KPNA4: variants seen among roughly 807,000 people sequenced by gnomAD.
The protein encoded by KPNA4 is karyopherin subunit alpha 4.
A neutral mutation model predicts 71.3 loss-of-function variants in KPNA4; 13 were observed. The ratio of observed to expected loss-of-function variants is 0.18; its 90% CI spans 0.12 to 0.29. The LOEUF is 0.29. Ranked by LOEUF, KPNA4 falls within the 10% of genes least tolerant of loss-of-function variation. The probability of loss-of-function intolerance (pLI) is 1.00; values close to 1 mark genes in which losing one functional copy is unlikely to be tolerated. For synonymous variants in KPNA4, 189 were observed against 195.2 expected, an observed-to-expected ratio of 0.97 and a Z score of 0.26; for missense variants, 334 against 603.2, an observed-to-expected ratio of 0.55 and a Z score of 4.67.
chr3:160,542,896 G>A (rs1721829954), intron 1 of KPNA4, among the ~76,000 whole-genome samples: 1 of 152,110 alleles, frequency 6.6e-6, no homozygotes, highest in African/African-American at 2.4e-5. Flanking sequence ...TGTAAGCATT[G>A]AAAATTTATT....
rs1720735528 is a variant in KPNA4 at position 160,495,362 on chromosome 3, T to C, written c.*6742A>G. 6.6e-6 allele frequency: 1 copy of C among 152,166 alleles called. No homozygotes were observed. Among genetic ancestry groups the C allele is most frequent in the Non-Finnish European group, 1.5e-5 (1 of 68,028 alleles). The allele number at this position is 152,166 out of a possible 1,614,324, so 9.4% of individuals were successfully genotyped here. A position where few individuals can be genotyped will look rare whatever the true frequency, so the allele number is the denominator to read the frequency against. ...CAAACATTTCCTATCTGCTGTGTAT[T>C]TTCTTGCTCCCTGCAGCTGAGAATT... On this transcript the variant is annotated 3_prime_UTR_variant, in exon 17 of 17. Coordinates refer to ENST00000334256, the MANE Select transcript of KPNA4 (RefSeq NM_002268.5).
At position 160,514,088 on chromosome 3, in the gene KPNA4, G is replaced by A. The variant is rs761057681; in HGVS notation, c.1126C>T (p.Leu376Phe). 1.3e-6 allele frequency: 2 copies of A among 1,557,650 alleles called. No individual in the cohort carries two copies. Among genetic ancestry groups the A allele is most frequent in the African/African-American group, 1.4e-5 (1 of 71,400 alleles). The change falls in exon 13 of 17, where the codon CTT (leucine) becomes TTT (phenylalanine). Residue 376 changes from leucine (L) to phenylalanine (F), a missense_variant. By Grantham distance (22) the Leu-to-Phe change is conservative (BLOSUM62 0). Transcript: ENST00000334256. Reference protein sequence around the residue: ...DANLVPMIIHLLDKGDFGTQK... With the variant: ...DANLVPMIIHFLDKGDFGTQK... ...CATGATTTTCTTACCTTATCCAAAA[G>A]GTGTATTATCATTGGTACAAGATTG... is the stretch of plus-strand genomic sequence containing the variant.
chr3:160,505,073 T>C, intron 15 of KPNA4, 21 bp from the exon 16 acceptor site: 2 of 1,320,730 alleles, frequency 1.5e-6, no homozygotes, highest in South Asian at 1.5e-5. Context: ...TTTTGCAATG[T>C]GAAACAATAG....
chr3:160,565,249 G>A lies in KPNA4; in HGVS notation c.34C>T (p.Leu12Phe). The A allele has an allele frequency of 6.2e-7, 1 of 1,609,972 alleles. No homozygotes were observed. Among genetic ancestry groups the A allele is most frequent in the South Asian group, 1.1e-5 (1 of 90,244 alleles). The change falls in exon 1 of 17, where the codon CTC (leucine) becomes TTC (phenylalanine). Residue 12 changes from leucine to phenylalanine, a missense_variant. Coordinates refer to ENST00000334256, the MANE Select transcript of KPNA4 (RefSeq NM_002268.5). ...ADNEKLDNQR[L>F]KNFKNKGRDL... ...CGGCCTTTGTTCTTGAAATTCTTGA[G>A]CCGTTGGTTGTCCAGTTTCTCGTTG...
At chr3:160,536,395 T>C (rs1247622186) in intron 2 of KPNA4, among the ~76,000 whole-genome samples, 1 of 152,106 alleles carries the variant, frequency 6.6e-6, no homozygotes, top group Non-Finnish European at 1.5e-5. Flanking sequence ...TTTATAAATA[T>C]ATTCTCAACT....
At chr3:160,564,884 C>G (rs1722309688) in intron 1 of KPNA4, among the ~76,000 whole-genome samples, 2 of 148,618 alleles carry the variant, frequency 1.3e-5, no homozygotes, top group African/African-American at 2.4e-5. Flanking sequence ...GGGGCAGCAC[C>G]GGCCGCACAC....
At chr3:160,538,123 G>GTA (rs1050020372) in intron 1 of KPNA4, among the ~76,000 whole-genome samples, 1 of 148,578 alleles carries the variant, frequency 6.7e-6, no homozygotes, top group Non-Finnish European at 1.5e-5. Flanking sequence ...ATATATATAT[G>GTA]TATATATATG....
chr3:160,511,772 G>T (rs1476285828), intron 13 of KPNA4, among the ~76,000 whole-genome samples: 1 of 150,158 alleles, frequency 6.7e-6, no homozygotes, highest in Non-Finnish European at 1.5e-5. Context: ...AAAATTAGGA[G>T]TTTTTTATGG....
At position 160,509,975 on chromosome 3, in the gene KPNA4, T is replaced by C. The variant is rs1406316806; in HGVS notation, c.1138-104A>G. 1.7e-5 allele frequency: 13 copies of C among 752,590 alleles called. No individual in the cohort carries two copies. In the East Asian group the frequency reaches 2.7e-4, roughly 16 times the overall value. The allele number at this position is 752,590 out of a possible 1,614,324, so 46.6% of individuals were successfully genotyped here. A position where few individuals can be genotyped will look rare whatever the true frequency, so the allele number is the denominator to read the frequency against. On this transcript the variant is annotated intron_variant, in intron 13 of 16. Coordinates refer to ENST00000334256, the MANE Select transcript of KPNA4 (RefSeq NM_002268.5). Reference sequence around the variant, plus strand: ...CAACTGCTTATTTCCCAAGGTCTCCTTTTAGTCTTTCTGTATATATCATTT... The same window carrying C: ...CAACTGCTTATTTCCCAAGGTCTCCCTTTAGTCTTTCTGTATATATCATTT...
rs1722323200 is a variant in KPNA4, at chr3:160,565,217, C to G, written c.66G>C (p.Leu22Phe). 6.2e-7 allele frequency: 1 copy of G among 1,608,756 alleles called. No individual in the cohort carries two copies. Among genetic ancestry groups the G allele is most frequent in the Admixed American group, 1.7e-5 (1 of 59,652 alleles). Residue 22 changes from leucine to phenylalanine, a missense_variant, in exon 1 of 17, where the codon TTG becomes TTC. Leu to Phe is a conservative substitution (Grantham distance 22, BLOSUM62 0). Transcript: ENST00000334256. ...CCGGCGTCGTCCCCGAGTTTACCTC[C>G]AAGTCGCGGCCTTTGTTCTTGAAAT... The part of the protein sequence containing the change: ...LKNFKNKGRD[L>F]ETMRRQRNEV...
At chr3:160,555,329 CTTCT>C (rs1480794488) in intron 1 of KPNA4, among the ~76,000 whole-genome samples, 2 of 152,162 alleles carry the variant, frequency 1.3e-5, no homozygotes, top group Non-Finnish European at 2.9e-5. Flanking sequence ...TTGTGACTAA[CTTCT>C]TTCAGGCAGT....
chr3:160,509,700 G>T, intron 14 of KPNA4, 100 bp downstream of exon 14: 1 of 896,060 alleles, frequency 1.1e-6, no homozygotes, highest in Non-Finnish European at 1.8e-6. Context: ...CCAGGGTGTT[G>T]CTATTATTTT....
chr3:160,517,980 G>C (rs1577050062), intron 11 of KPNA4, among the ~76,000 whole-genome samples: 1 of 152,086 alleles, frequency 6.6e-6, no homozygotes, highest in Non-Finnish European at 1.5e-5. Context: ...TGTGAAGCCT[G>C]ACTTATCAAT....
rs950642896 is a variant in KPNA4 at position 160,535,553 on chromosome 3, C to T, written c.247G>A (p.Asp83Asn). ...LEAIVQNASSDNQGIQLSAVQ... is the reference protein window; with the variant it reads ...LEAIVQNASSNNQGIQLSAVQ... ...GCACTTAATTGAATTCCTTGGTTATCACTTGAAGCATTCTATAAAAAATAA... is the reference window on the plus strand; with the variant it reads ...GCACTTAATTGAATTCCTTGGTTATTACTTGAAGCATTCTATAAAAAATAA... Residue 83 changes from aspartate to asparagine, a missense_variant, in exon 5 of 17, where the codon GAT (aspartate) becomes AAT (asparagine). Coordinates refer to ENST00000334256, the MANE Select transcript of KPNA4 (RefSeq NM_002268.5). 1.3e-6 allele frequency: 2 copies of T among 1,599,230 alleles called. No homozygotes were observed. The highest frequency in any genetic ancestry group is 2.2e-5 in the East Asian group (1 of 44,516).
intron 11 of KPNA4, among the ~76,000 whole-genome samples, chr3:160,519,801 CAAAAAAAAAAAAA>C (rs558355699): frequency 4.8e-5 from 4 of 83,692 alleles, no homozygotes; most frequent in Admixed American, 1.4e-4. Flanking sequence ...GACTCCGTCT[CAAAAAAAAAAAAA>C]AAAAAAAAAA....
rs754822231 is a variant in KPNA4 at position 160,527,906 on chromosome 3, G to A, written c.556+47C>T. 9.3e-6 allele frequency: 13 copies of A among 1,396,316 alleles called. No homozygotes were observed. In the African/African-American group the frequency reaches 1.8e-4, roughly 20 times the overall value. 86.5% of individuals were successfully genotyped at this position (1,396,316 alleles called of 1,614,324 possible). A position where few individuals can be genotyped will look rare whatever the true frequency, so the allele number is the denominator to read the frequency against. On this transcript the variant is annotated intron_variant, in intron 8 of 16. Transcript: ENST00000334256. ...TACTAGTAGCTATTTTTATTACTTA[G>A]TATATGATAACAATTTTTAGACTAG...
intron 1 of KPNA4, among the ~76,000 whole-genome samples, chr3:160,542,245 T>G (rs181862355): frequency 6.6e-6 from 1 of 152,258 alleles, no homozygotes; most frequent in East Asian, 1.9e-4. Flanking sequence ...CAACCCAAAT[T>G]ATCATCACAA....
intron 14 of KPNA4, among the ~76,000 whole-genome samples, 194 bp downstream of exon 14, chr3:160,509,606 T>C (rs573778374): frequency 2.6e-5 from 4 of 152,290 alleles, no homozygotes; most frequent in African/African-American, 9.6e-5. Flanking sequence ...CTTATTTTAT[T>C]TTTTTAATAG....
chr3:160,504,888 CTATA>C (rs1720953737), intron 16 of KPNA4, 66 bp downstream of exon 16: 1 of 619,500 alleles, frequency 1.6e-6, no homozygotes, highest in South Asian at 4.1e-5. Context: ...CCCCAGCTTA[CTATA>C]TATATTACTT....
Sources: allele counts gnomAD v4.1 joint callset (sites outside exome capture counted in the v4.1 genomes callset), GRCh38; gene constraint gnomAD v4.1.1; transcripts MANE v1.5; gene names NCBI Gene and HGNC (gene_info 2026-07-23, HGNC 2026-07-21).